The following KANSL1L variants were observed in gnomAD, a reference collection of about 807,000 sequenced individuals.
The protein encoded by KANSL1L is KAT8 regulatory NSL complex subunit 1-like protein.
KANSL1L carries 25 observed loss-of-function variants against 108.6 expected under a neutral mutation model. The ratio of observed to expected loss-of-function variants is 0.23; its 90% CI spans 0.17 to 0.32. KANSL1L has a LOEUF of 0.32. Among genes scored for constraint, KANSL1L ranks in the 10% least tolerant of loss-of-function variants. The probability of loss-of-function intolerance (pLI) is 1.00; values close to 1 mark genes in which losing one functional copy is unlikely to be tolerated. For synonymous variants in KANSL1L, 405 were observed against 395.1 expected, an observed-to-expected ratio of 1.03 and a Z score of -0.30; for missense variants, 1,137 against 1,125.7, an observed-to-expected ratio of 1.01 and a Z score of -0.14.
At chr2:210,084,771 G>A (rs1237063164) in intron 5 of KANSL1L, among the ~76,000 whole-genome samples, 3 of 152,074 alleles carry the variant, frequency 2.0e-5, no homozygotes, top group South Asian at 2.1e-4. Flanking sequence ...GTGCCACCAC[G>A]CCGAGGTAAT....
At chr2:210,135,599 T>C (rs2095166432) in intron 2 of KANSL1L, among the ~76,000 whole-genome samples, 1 of 151,996 alleles carries the variant, frequency 6.6e-6, no homozygotes. Context: ...TGACTGAATA[T>C]GGAAATGAAA....
intron 6 of KANSL1L, among the ~76,000 whole-genome samples, chr2:210,056,032 C>T (rs1351801187): frequency 2.0e-5 from 3 of 152,352 alleles, no homozygotes; most frequent in Admixed American, 6.5e-5. Context: ...AAAATGGTTT[C>T]GTGGGCTGCG....
intron 6 of KANSL1L, among the ~76,000 whole-genome samples, chr2:210,067,505 C>G (rs1488699811): frequency 6.6e-6 from 1 of 151,886 alleles, no homozygotes. Context: ...TGAGACCAGC[C>G]TGGGCAATAT....
intron 2 of KANSL1L, among the ~76,000 whole-genome samples, chr2:210,141,731 G>GT (rs1274769990): frequency 1.3e-5 from 2 of 152,144 alleles, no homozygotes; most frequent in Non-Finnish European, 2.9e-5. Flanking sequence ...GCCTTTATTG[G>GT]TAGAGGTACA....
chr2:210,155,557 G>A (rs1239759597), intron 1 of KANSL1L, among the ~76,000 whole-genome samples: 1 of 152,134 alleles, frequency 6.6e-6, no homozygotes, highest in African/African-American at 2.4e-5. Flanking sequence ...AAATGAATAT[G>A]CATCAGAATA....
chr2:210,171,879 C>A (rs1265436810), upstream of KANSL1L: 1 of 151,996 alleles, frequency 6.6e-6, no homozygotes, highest in African/African-American at 2.4e-5. Flanking sequence ...AGTCTCCGTG[C>A]GTTTGCTTTT....
chr2:210,108,414 C>CTT (rs2094871423), intron 3 of KANSL1L, among the ~76,000 whole-genome samples: 1 of 152,042 alleles, frequency 6.6e-6, no homozygotes, highest in Admixed American at 6.6e-5. Flanking sequence ...TGCAATCAAG[C>CTT]TTTTAAAAGA....
rs2094455827 is a variant in KANSL1L, at chr2:210,065,191, C to T, written c.1755+10361G>A. 2.2e-5 allele frequency among the ~76,000 whole-genome samples: 3 copies of T among 138,798 alleles called. No homozygotes were observed. The South Asian group carries it at 7.3e-4, about 34-fold the overall frequency. The allele number at this position is 138,798 out of a possible 152,430, so 91.1% of individuals were successfully genotyped here. ...CCTGTAATCCTAGCTATTGGGGAGG[C>T]TGAGGCAGGAAAATCACTTGACCTC... is the stretch of plus-strand genomic sequence containing the variant. On this transcript the variant is annotated intron_variant, in intron 6 of 14. Coordinates refer to ENST00000281772, the MANE Select transcript of KANSL1L (RefSeq NM_152519.4).
intron 13 of KANSL1L, among the ~76,000 whole-genome samples, chr2:210,024,768 A>C (rs868012515): frequency 1.3e-5 from 2 of 152,250 alleles, no homozygotes; most frequent in Middle Eastern, 3.4e-3. Context: ...TGGATTACCT[A>C]AACTCCAGTC....
intron 6 of KANSL1L, among the ~76,000 whole-genome samples, chr2:210,056,185 C>G (rs1019932757): frequency 6.6e-6 from 1 of 152,202 alleles, no homozygotes; most frequent in Admixed American, 6.5e-5. Context: ...TGGCAGCTTA[C>G]GTGTGGTGTT....
At chr2:210,056,232 C>G (rs1023602002) in intron 6 of KANSL1L, among the ~76,000 whole-genome samples, 1 of 152,222 alleles carries the variant, frequency 6.6e-6, no homozygotes, top group Non-Finnish European at 1.5e-5. Context: ...AAGTCAAGAA[C>G]TGAGGTTTGG....
intron 12 of KANSL1L, among the ~76,000 whole-genome samples, chr2:210,026,019 G>C (rs1468679355): frequency 6.6e-6 from 1 of 152,124 alleles, no homozygotes; most frequent in Non-Finnish European, 1.5e-5. Flanking sequence ...GTTAATATCA[G>C]ATAAAAGTAA....
chr2:210,037,634 G>A (rs534673983), intron 8 of KANSL1L, among the ~76,000 whole-genome samples: 71 of 152,072 alleles, frequency 4.7e-4, no homozygotes, highest in Non-Finnish European at 7.2e-4. Flanking sequence ...CTATCCTTCC[G>A]TCTCAGCAGT....
chr2:210,112,363 A>C (rs2094915214), intron 3 of KANSL1L, among the ~76,000 whole-genome samples: 1 of 152,204 alleles, frequency 6.6e-6, no homozygotes, highest in Non-Finnish European at 1.5e-5. Context: ...TACCAGATAG[A>C]AAAGACAGTA....
In KANSL1L at chr2:210,033,949, T is replaced by C. The variant is rs544241399; in HGVS notation, c.2030-2403A>G. ...CATGGACCCTTGAAACCGTAGGAAA[T>C]GTATGACAATTCTACACATCCTCTT... On this transcript the variant is annotated intron_variant, in intron 8 of 14. Coordinates refer to ENST00000281772, the MANE Select transcript of KANSL1L (RefSeq NM_152519.4). Among the ~76,000 whole-genome samples the C allele has an allele frequency of 9.9e-4, 151 of 152,278 alleles. 1 individual carries two copies. Among genetic ancestry groups the C allele is most frequent in the African/African-American group, 3.0e-3 (125 of 41,530 alleles).
At chr2:210,115,703 T>G (rs2094947377) in intron 3 of KANSL1L, among the ~76,000 whole-genome samples, 1 of 152,210 alleles carries the variant, frequency 6.6e-6, no homozygotes, top group African/African-American at 2.4e-5. Flanking sequence ...AATTTGCACA[T>G]GCAATCCATG....
At chr2:210,161,300 C>T (rs1360112934) in intron 1 of KANSL1L, among the ~76,000 whole-genome samples, 2 of 151,774 alleles carry the variant, frequency 1.3e-5, no homozygotes, top group Non-Finnish European at 2.9e-5. Context: ...ATTATTTTGA[C>T]AAAGATAGCA....
At chr2:210,070,690 C>G (rs1420844962) in intron 6 of KANSL1L, among the ~76,000 whole-genome samples, 1 of 152,200 alleles carries the variant, frequency 6.6e-6, no homozygotes, top group Non-Finnish European at 1.5e-5. Context: ...AATGCCACAA[C>G]TGAGTGGCTG....
At chr2:210,155,915 TAAAAACA>T (rs2095330686) in intron 1 of KANSL1L, among the ~76,000 whole-genome samples, 1 of 152,044 alleles carries the variant, frequency 6.6e-6, no homozygotes, top group Non-Finnish European at 1.5e-5. Context: ...TATTCCTACT[TAAAAACA>T]CAAAACCAAA....
Sources: gnomAD v4.1 joint callset for allele counts (sites outside exome capture counted in the v4.1 genomes callset) on GRCh38, gnomAD v4.1.1 for gene constraint, MANE v1.5 for transcripts, NCBI Gene and HGNC (gene_info 2026-07-23, HGNC 2026-07-21) for gene names.